The following SLCO1A2 variants were observed in gnomAD, a reference collection of about 807,000 sequenced individuals.
SLCO1A2 encodes OATP-1.
Under a neutral mutation model 69.0 loss-of-function variants are expected in SLCO1A2, and 67 were observed. The ratio of observed to expected loss-of-function variants is 0.97; its 90% CI spans 0.80 to 1.19. SLCO1A2 has a LOEUF of 1.19. SLCO1A2 is among the 50% of genes most tolerant of loss of function. The pLI is 0.00. For missense variants in SLCO1A2, 787 were observed against 793.7 expected (o/e 0.99, Z 0.10); for synonymous variants, 260 against 265.9 (o/e 0.98, Z 0.22).
At chr12:21,293,898 A>G (rs1947303127) in intron 11 of SLCO1A2, 47 bp downstream of exon 11, 2 of 1,503,324 alleles carry the variant, frequency 1.3e-6, no homozygotes, top group South Asian at 1.3e-5. Context: ...CATAGTTGGG[A>G]AGTACCAATG....
chr12:21,331,447 G>C (rs1952611088), intron 2 of SLCO1A2, among the ~76,000 whole-genome samples: 1 of 152,056 alleles, frequency 6.6e-6, no homozygotes, highest in Non-Finnish European at 1.5e-5. Context: ...TCATAATTTG[G>C]AATTCTCATT....
At chr12:21,387,634 A>G (rs1429176980) in intron 1 of SLCO1A2, among the ~76,000 whole-genome samples, 3 of 152,238 alleles carry the variant, frequency 2.0e-5, no homozygotes, top group African/African-American at 7.2e-5. Flanking sequence ...CTGGATGTCC[A>G]GGCAGAGGTT....
chr12:21,296,378 C>CT (rs1286121418), intron 9 of SLCO1A2, among the ~76,000 whole-genome samples: 14 of 152,194 alleles, frequency 9.2e-5, no homozygotes, highest in Admixed American at 2.0e-4. Flanking sequence ...GTAGCTGGGA[C>CT]TACAGGTGCA....
Position 21,269,357 on chromosome 12 carries a change from T to G in SLCO1A2, c.*191A>C, listed in dbSNP as rs994745456. 2 of 453,460 alleles carry G rather than the reference T, an allele frequency of 4.4e-6. No individual in the cohort carries two copies. The highest frequency in any genetic ancestry group is 7.8e-6 in the Non-Finnish European group (2 of 257,452). 28.1% of individuals were successfully genotyped at this position (453,460 alleles called of 1,614,324 possible). On this transcript the variant is annotated 3_prime_UTR_variant, in exon 15 of 15. Transcript: ENST00000683939. ...TTTAGGGGGCTGTTATTGATGTCCC[T>G]CCTAGGAAAACTCAAGTGTCACTGA...
chr12:21,355,119 A>C (rs1455962584), intron 2 of SLCO1A2: 4 of 152,200 alleles, frequency 2.6e-5, no homozygotes, highest in Admixed American at 6.5e-5. Context: ...TCTTTATCAT[A>C]TGATCCATGT....
chr12:21,359,708 C>G (rs1834162517), intron 2 of SLCO1A2, among the ~76,000 whole-genome samples: 1 of 150,934 alleles, frequency 6.6e-6, no homozygotes, highest in Non-Finnish European at 1.5e-5. Context: ...GATCGTGCCA[C>G]TGCACTCCAG....
intron 4 of SLCO1A2, among the ~76,000 whole-genome samples, chr12:21,310,625 G>A (rs542894464): frequency 2.6e-5 from 4 of 152,274 alleles, no homozygotes; most frequent in South Asian, 2.1e-4. Context: ...TTTTTGAGAC[G>A]GAGTCTCGCT....
At chr12:21,394,245 T>A (rs1565529339) in intron 1 of SLCO1A2, among the ~76,000 whole-genome samples, 1 of 152,102 alleles carries the variant, frequency 6.6e-6, no homozygotes, top group Non-Finnish European at 1.5e-5. Flanking sequence ...TCAGCAACAA[T>A]ATGAAATGTT....
At chr12:21,399,939 G>T (rs1024275724), upstream of SLCO1A2, among the ~76,000 whole-genome samples, 4 of 151,866 alleles carry the variant, frequency 2.6e-5, no homozygotes, top group Non-Finnish European at 4.4e-5. Context: ...GAAAAGCTAG[G>T]CATTACCATT....
intron 5 of SLCO1A2, among the ~76,000 whole-genome samples, chr12:21,305,650 T>C (rs1203165733): frequency 2.0e-5 from 3 of 152,224 alleles, no homozygotes; most frequent in Non-Finnish European, 4.4e-5. Context: ...ATATCCACAA[T>C]GAAGCCGACT....
intron 12 of SLCO1A2, among the ~76,000 whole-genome samples, chr12:21,291,865 C>A (rs571716865): frequency 6.6e-6 from 1 of 152,096 alleles, no homozygotes; most frequent in Non-Finnish European, 1.5e-5. Context: ...CCATTTTATA[C>A]GGCCTACCCT....
chr12:21,310,458 TG>T (rs1177776936), intron 4 of SLCO1A2, among the ~76,000 whole-genome samples: 3 of 152,246 alleles, frequency 2.0e-5, no homozygotes, highest in Non-Finnish European at 4.4e-5. Flanking sequence ...TCCACGCTGA[TG>T]GCTGCTGGCT....
intron 1 of SLCO1A2, among the ~76,000 whole-genome samples, chr12:21,413,869 G>C (rs1401876743): frequency 6.6e-6 from 1 of 152,118 alleles, no homozygotes; most frequent in African/African-American, 2.4e-5. Flanking sequence ...AGATCAAGCT[G>C]TAAAGAAGAT....
intron 4 of SLCO1A2, among the ~76,000 whole-genome samples, chr12:21,312,310 T>C (rs1950325517): frequency 2.6e-5 from 4 of 152,224 alleles, no homozygotes. Context: ...TTCTGCAGCT[T>C]CCTAATCTCT....
Position 21,269,622 on chromosome 12 carries a change from T to C in SLCO1A2, c.1939A>G (p.Lys647Glu). Residue 647 changes from lysine (K) to glutamate (E), a missense_variant, in exon 15 of 15, where the codon AAG becomes GAG. Transcript: ENST00000683939. ...TELIETKVKGKENECKDIYQK... is the reference protein window; with the variant it reads ...TELIETKVKGEENECKDIYQK... ...TATATATCTTTGCACTCATTTTCCT[T>C]CCCTTTGACTTTTGTCTCTATAAGC... The C allele has an allele frequency of 5.6e-6, 9 of 1,612,760 alleles. No individual in the cohort carries two copies. Among genetic ancestry groups the C allele is most frequent in the South Asian group, 3.3e-5 (3 of 91,036 alleles).
intron 1 of SLCO1A2, among the ~76,000 whole-genome samples, chr12:21,400,646 G>C (rs1176315767): frequency 6.7e-6 from 1 of 150,292 alleles, no homozygotes; most frequent in Non-Finnish European, 1.5e-5. Context: ...AACAATGATA[G>C]ACTGGATTAA....
chr12:21,389,254 A>G (rs904844893), intron 1 of SLCO1A2, among the ~76,000 whole-genome samples: 2 of 152,186 alleles, frequency 1.3e-5, no homozygotes, highest in African/African-American at 4.8e-5. Context: ...ACATTGTACT[A>G]TATGTTTGTA....
intron 2 of SLCO1A2, among the ~76,000 whole-genome samples, chr12:21,359,509 G>A (rs1318789259): frequency 1.3e-5 from 2 of 152,134 alleles, no homozygotes; most frequent in Non-Finnish European, 2.9e-5. Flanking sequence ...ACCTTGCAAT[G>A]AAATCCACCA....
upstream of SLCO1A2, among the ~76,000 whole-genome samples, chr12:21,337,579 T>G (rs947933432): frequency 2.0e-5 from 3 of 151,862 alleles, no homozygotes; most frequent in Admixed American, 6.6e-5. Context: ...ATCACTTATT[T>G]CCAGGATCTT....
Sources: gnomAD v4.1 joint callset for allele counts (sites outside exome capture counted in the v4.1 genomes callset) on GRCh38, gnomAD v4.1.1 for gene constraint, MANE v1.5 for transcripts, NCBI Gene and HGNC (gene_info 2026-07-23, HGNC 2026-07-21) for gene names.